MTO1: variants seen among roughly 807,000 people sequenced by gnomAD.
The protein encoded by MTO1 is mitochondrial tRNA translation optimization 1, also known as 5-taurinomethyluridine-[tRNA] synthase subunit MTO1, mitochondrial.
Under a neutral mutation model 71.6 loss-of-function variants are expected in MTO1, and 46 were observed. The observed-to-expected ratio is 0.64, with a 90% CI of 0.51 to 0.82. The LOEUF (loss-of-function observed/expected upper bound fraction) is 0.82, where lower values mean the gene tolerates loss of function less well. Among genes scored for constraint, MTO1 ranks in the 40% least tolerant of loss-of-function variants. MTO1 has a pLI of 0.00. For synonymous variants in MTO1, 297 were observed against 312.1 expected, an observed-to-expected ratio of 0.95 and a Z score of 0.51; for missense variants, 773 against 867.5, an observed-to-expected ratio of 0.89 and a Z score of 1.37.
At chr6:73,464,671 A>AG (rs1770925957) in intron 1 of MTO1, among the ~76,000 whole-genome samples, 1 of 151,242 alleles carries the variant, frequency 6.6e-6, no homozygotes, top group African/African-American at 2.4e-5. Context: ...AAAAAAAAAA[A>AG]AAAAAGAAAG....
At position 73,509,124 on chromosome 6, in the gene MTO1, A is replaced by G. The variant is rs1772359826; in HGVS notation, c.*8389A>G. On this transcript the variant is annotated 3_prime_UTR_variant, in exon 12 of 12. Transcript: ENST00000498286. The stretch of plus-strand genomic sequence containing the variant: ...CATGATTGTACTGAAAATATAACCA[A>G]GTTTTATTTATGTTTTTCATTTGGT... 2 of 152,204 alleles carry G rather than the reference A, an allele frequency of 1.3e-5. No homozygotes were observed. The highest frequency in any genetic ancestry group is 1.3e-4 in the Admixed American group (2 of 15,268). The allele number at this position is 152,204 out of a possible 1,614,324, so 9.4% of individuals were successfully genotyped here. A position where few individuals can be genotyped will look rare whatever the true frequency, so the allele number is the denominator to read the frequency against.
intron 9 of MTO1, among the ~76,000 whole-genome samples, chr6:73,489,506 A>G (rs748649027): frequency 1.4e-5 from 2 of 140,758 alleles, no homozygotes; most frequent in African/African-American, 2.7e-5. Context: ...TCATTGTTCA[A>G]TTCTGACCTA....
At chr6:73,487,713 C>G (rs898006882) in intron 9 of MTO1, 1 of 151,934 alleles carries the variant, frequency 6.6e-6, no homozygotes, top group African/African-American at 2.4e-5. Flanking sequence ...TCTTAGGCAA[C>G]CTGGTAATCC....
intron 3 of MTO1, 117 bp from the exon 4 acceptor site, chr6:73,473,248 C>T: frequency 8.7e-7 from 1 of 1,143,304 alleles, no homozygotes; most frequent in African/African-American, 1.6e-5. Context: ...CACTGCCCTC[C>T]AGCCTGGCGA....
rs1279185580 is a variant in MTO1, at chr6:73,466,361, G to A, written c.370G>A (p.Gly124Ser). 6.2e-7 allele frequency: 1 copy of A among 1,614,004 alleles called. No homozygotes were observed. The highest frequency in any genetic ancestry group is 1.3e-5 in the African/African-American group (1 of 74,902). ...CCGGCGTAAGGGACCAGCTGTGTGG[G>A]GTCTGAGAGCTCAGATTGATAGGAA... ...LNRRKGPAVWGLRAQIDRKLY... is the reference protein window; with the variant it reads ...LNRRKGPAVWSLRAQIDRKLY... Residue 124 changes from glycine (G) to serine (S), a missense_variant, in exon 2 of 12, where the codon GGT becomes AGT. By Grantham distance (56) the Gly-to-Ser change is moderately conservative. Coordinates refer to ENST00000498286, the MANE Select transcript of MTO1 (RefSeq NM_012123.4).
At chr6:73,484,808 C>T (rs192451357) in intron 9 of MTO1, among the ~76,000 whole-genome samples, 4 of 152,174 alleles carry the variant, frequency 2.6e-5, no homozygotes, top group Admixed American at 2.0e-4. Context: ...GTAATCCCAT[C>T]GTTTTGGGAG....
At chr6:73,464,835 CAAAAAAAAAAAAAAAAA>C (rs70996805) in intron 1 of MTO1, among the ~76,000 whole-genome samples, 2 of 28,354 alleles carry the variant, frequency 7.1e-5, no homozygotes, top group African/African-American at 2.9e-4. Context: ...AACTCTGTCT[CAAAAAAAAAAAAAAAAA>C]AAAAAAAAAC....
At chr6:73,485,716 C>T (rs1419096475) in intron 9 of MTO1, among the ~76,000 whole-genome samples, 1 of 152,220 alleles carries the variant, frequency 6.6e-6, no homozygotes, top group African/African-American at 2.4e-5. Flanking sequence ...GCTGGGATTA[C>T]AGGCATGAGT....
chr6:73,491,520 C>T (rs1189599554), intron 9 of MTO1, among the ~76,000 whole-genome samples: 1 of 151,952 alleles, frequency 6.6e-6, no homozygotes, highest in South Asian at 2.1e-4. Context: ...TTAGGGAGTT[C>T]AGTAAAAGAA....
In MTO1 at chr6:73,501,974, A is replaced by G. The variant is rs1010033132; in HGVS notation, c.*1239A>G. ...TCTAATTTTAGTCTTTCCAGAAAGC[A>G]GTAAGATTAGTAGCAAGTAAAAAGT... On this transcript the variant is annotated 3_prime_UTR_variant, in exon 12 of 12. Coordinates refer to ENST00000498286, the MANE Select transcript of MTO1 (RefSeq NM_012123.4). 2.0e-5 allele frequency: 3 copies of G among 152,216 alleles called. No homozygotes were observed. The highest frequency in any genetic ancestry group is 2.0e-4 in the Admixed American group (3 of 15,274). 9.4% of individuals were successfully genotyped at this position (152,216 alleles called of 1,614,324 possible). A position where few individuals can be genotyped will look rare whatever the true frequency, so the allele number is the denominator to read the frequency against.
chr6:73,466,604 T>A lies in MTO1; in HGVS notation c.533T>A (p.Leu178Ter), dbSNP rs1771005362. 6.2e-7 allele frequency: 1 copy of A among 1,611,772 alleles called. No homozygotes were observed. Among genetic ancestry groups the A allele is most frequent in the African/African-American group, 1.3e-5 (1 of 74,874 alleles). ...TGKCRVSGVVLVDGSTVYAES... is the reference protein window; with the variant it reads ...TGKCRVSGVV ...AAATGCCGTGTCAGTGGGGTTGTTTTGGGTACGTATTGGTTATAGATGGTG... is the reference window on the plus strand; with the variant it reads ...AAATGCCGTGTCAGTGGGGTTGTTTAGGGTACGTATTGGTTATAGATGGTG... The change falls in exon 3 of 12, where the codon TTG becomes TAG. Residue 178 changes from leucine to a stop codon, truncating the protein, a stop_gained and splice_region_variant. Transcript: ENST00000498286. LOFTEE classifies it high-confidence loss of function.
chr6:73,506,404 CA>C lies in MTO1; in HGVS notation c.*5670del, dbSNP rs888593058. On this transcript the variant is annotated 3_prime_UTR_variant, in exon 12 of 12. Coordinates refer to ENST00000498286, the MANE Select transcript of MTO1 (RefSeq NM_012123.4). ...GGGACCCACAGGGAGGTAATTGAATCACAAGGGCCGGTTTTTACCATGCTTT... is the reference window on the plus strand; with the variant it reads ...GGGACCCACAGGGAGGTAATTGAATCCAAGGGCCGGTTTTTACCATGCTTT... 3 of 152,346 alleles carry C rather than the reference CA, an allele frequency of 2.0e-5. No homozygotes were observed. Among genetic ancestry groups the C allele is most frequent in the African/African-American group, 7.2e-5 (3 of 41,442 alleles). The allele number at this position is 152,346 out of a possible 1,614,324, so 9.4% of individuals were successfully genotyped here. A position where few individuals can be genotyped will look rare whatever the true frequency, so the allele number is the denominator to read the frequency against.
At chr6:73,483,023 ATCT>A (rs1304461751) in intron 9 of MTO1, among the ~76,000 whole-genome samples, 7 of 149,198 alleles carry the variant, frequency 4.7e-5, no homozygotes, top group Admixed American at 6.7e-5. Flanking sequence ...CGATCTCCTG[ATCT>A]CGTGATCCGC....
At position 73,461,829 on chromosome 6, in the gene MTO1, A is replaced by G; in HGVS notation, c.-26A>G. On this transcript the variant is annotated 5_prime_UTR_variant, in exon 1 of 12. Transcript: ENST00000498286. ...TTTGACCGTCACTCGTGTCAGCTTC[A>G]AAGTCAGATAGATTTTTCTCCCAGC... The G allele has an allele frequency of 6.2e-7, 1 of 1,603,188 alleles. No homozygotes were observed. The highest frequency in any genetic ancestry group is 2.2e-5 in the East Asian group (1 of 44,576).
chr6:73,480,805 A>C lies in MTO1; in HGVS notation c.1260A>C (p.Gln420His). 1 of 1,613,812 alleles carries C rather than the reference A, an allele frequency of 6.2e-7. No individual in the cohort carries two copies. The highest frequency in any genetic ancestry group is 1.1e-5 in the South Asian group (1 of 91,048). ...CTGGTTATGAGGAAGCTGCAGCTCAAGTAAGAAGTTAAGATATTAATGTAA... is the reference window on the plus strand; with the variant it reads ...CTGGTTATGAGGAAGCTGCAGCTCACGTAAGAAGTTAAGATATTAATGTAA... ...GTTGYEEAAA[Q>H]GVIAGINASL... Residue 420 changes from glutamine to histidine, a missense_variant and splice_region_variant, in exon 7 of 12, where the codon CAA (glutamine) becomes CAC (histidine). Physicochemically the swap from Gln to His is conservative, Grantham distance 24. Coordinates refer to ENST00000498286, the MANE Select transcript of MTO1 (RefSeq NM_012123.4).
chr6:73,466,519 G>A lies in MTO1; in HGVS notation c.448G>A (p.Val150Ile), dbSNP rs767983065. Residue 150 changes from valine (V) to isoleucine (I), a missense_variant, in exon 3 of 12, where the codon GTT (valine) becomes ATT (isoleucine). Coordinates refer to ENST00000498286, the MANE Select transcript of MTO1 (RefSeq NM_012123.4). ...AATCTTGAATACACCACTGCTTACT[G>A]TTCAGGAGGGAGCTGTAGAAGATCT... ...KEILNTPLLT[V>I]QEGAVEDLIL... The A allele has an allele frequency of 1.2e-6, 2 of 1,614,028 alleles. No homozygotes were observed. The highest frequency in any genetic ancestry group is 1.7e-6 in the Non-Finnish European group (2 of 1,180,022).
chr6:73,461,748 T>G lies in MTO1; in HGVS notation c.-107T>G. On this transcript the variant is annotated 5_prime_UTR_variant, in exon 1 of 12. Transcript: ENST00000498286. ...CGCTGGACGTAGACGTCCTACCCCGTGATATTAAAGCAAGATGGCCGCGCC... is the reference window on the plus strand; with the variant it reads ...CGCTGGACGTAGACGTCCTACCCCGGGATATTAAAGCAAGATGGCCGCGCC... 8.1e-7 allele frequency: 1 copy of G among 1,235,794 alleles called. No homozygotes were observed. The highest frequency in any genetic ancestry group is 1.1e-6 in the Non-Finnish European group (1 of 876,244). The allele number at this position is 1,235,794 out of a possible 1,614,324, so 76.6% of individuals were successfully genotyped here. A position where few individuals can be genotyped will look rare whatever the true frequency, so the allele number is the denominator to read the frequency against.
intron 3 of MTO1, among the ~76,000 whole-genome samples, chr6:73,470,012 GA>G (rs994756392): frequency 2.0e-5 from 3 of 151,828 alleles, no homozygotes; most frequent in African/African-American, 4.8e-5. Flanking sequence ...CAAAAAAAAA[GA>G]AAAGATTTGA....
In MTO1 at chr6:73,482,522, A is replaced by C; in HGVS notation, c.1539A>C (p.Glu513Asp). 1.2e-6 allele frequency: 2 copies of C among 1,612,922 alleles called. No homozygotes were observed. Among genetic ancestry groups the C allele is most frequent in the Non-Finnish European group, 8.5e-7 (1 of 1,179,638 alleles). Residue 513 changes from glutamate (E) to aspartate (D), a missense_variant, in exon 9 of 12, where the codon GAA becomes GAC. Transcript: ENST00000498286. ...RACWMKSSLE[E>D]GISVLKSIEF... is the part of the protein sequence containing the mutation. The stretch of plus-strand genomic sequence containing the variant: ...GTTGGATGAAGTCTTCTTTAGAAGA[A>C]GGCATTTCTGTGTTGAAATCTATTG...
Sources: gnomAD v4.1 joint callset for allele counts (sites outside exome capture counted in the v4.1 genomes callset) on GRCh38, gnomAD v4.1.1 for gene constraint, MANE v1.5 for transcripts, NCBI Gene and HGNC (gene_info 2026-07-23, HGNC 2026-07-21) for gene names.